PXDN: variants seen among roughly 807,000 people sequenced by gnomAD.
The protein encoded by PXDN is peroxidasin, also known as peroxidasin homolog.
Under a neutral mutation model 140.3 loss-of-function variants are expected in PXDN, and 77 were observed. That is an observed-to-expected ratio of 0.55 (90% CI 0.46 to 0.66). PXDN has a LOEUF of 0.66. PXDN is among the 30% of genes least tolerant of loss of function. The pLI, the probability that PXDN is intolerant of heterozygous loss-of-function variation, is 0.00. For missense variants in PXDN, 1,838 were observed against 2,039.5 expected (o/e 0.90, Z 1.90); for synonymous variants, 911 against 857.4 (o/e 1.06, Z -1.09).
At chr2:1,673,553 T>G (rs1418701623) in intron 9 of PXDN, 90 bp downstream of exon 9, 7 of 1,476,886 alleles carry the variant, frequency 4.7e-6, no homozygotes, top group Non-Finnish European at 6.4e-6. Flanking sequence ...CAATGTTCAT[T>G]CTTATTTTGG....
At position 1,707,702 on chromosome 2, in the gene PXDN, T is replaced by C. The variant is rs555577862; in HGVS notation, c.201-14568A>G. Among the ~76,000 whole-genome samples the C allele has an allele frequency of 9.2e-5, 14 of 152,326 alleles. No individual in the cohort carries two copies. The South Asian group carries it at 2.7e-3, about 29-fold the overall frequency. Reference sequence around the variant, plus strand: ...GACAAAAAAGGGGAAGACATTTCCCTGCACAAGGCAGGGAATGAACACACT... The same window carrying C: ...GACAAAAAAGGGGAAGACATTTCCCCGCACAAGGCAGGGAATGAACACACT... On this transcript the variant is annotated intron_variant, in intron 1 of 22. Coordinates refer to ENST00000252804, the MANE Select transcript of PXDN (RefSeq NM_012293.3).
intron 2 of PXDN, 36 bp downstream of exon 2, chr2:1,693,027 T>C: frequency 6.7e-7 from 1 of 1,483,108 alleles, no homozygotes; most frequent in Non-Finnish European, 9.2e-7. Flanking sequence ...TGATTTCTAT[T>C]TTTCTATTAG....
At chr2:1,712,936 G>T (rs915176144) in intron 1 of PXDN, among the ~76,000 whole-genome samples, 1 of 152,220 alleles carries the variant, frequency 6.6e-6, no homozygotes, top group Admixed American at 6.5e-5. Flanking sequence ...TGGTGGCCAG[G>T]CTGGTCTCGA....
chr2:1,719,397 C>A (rs1684966311), intron 1 of PXDN, among the ~76,000 whole-genome samples: 2 of 152,194 alleles, frequency 1.3e-5, no homozygotes, highest in South Asian at 4.1e-4. Context: ...AGCACGAATC[C>A]TTACATAAAC....
chr2:1,676,012 T>C (rs1420512754), intron 8 of PXDN, among the ~76,000 whole-genome samples: 2 of 152,266 alleles, frequency 1.3e-5, no homozygotes, highest in South Asian at 4.1e-4. Context: ...GATTTTCTTT[T>C]AAGGATTCCT....
rs71440684 is a variant in PXDN, at chr2:1,706,719, G to C, written c.201-13585C>G. On this transcript the variant is annotated intron_variant, in intron 1 of 22. Coordinates refer to ENST00000252804, the MANE Select transcript of PXDN (RefSeq NM_012293.3). ...TAATACAACCTGAGAGCACGCTGCA[G>C]TGTTCACCAATCAGCTCTAAGCATC... is the stretch of plus-strand genomic sequence containing the variant. 3.4e-3 allele frequency among the ~76,000 whole-genome samples: 255 copies of C among 74,786 alleles called. 70 individuals carry two copies. Among genetic ancestry groups the C allele is most frequent in the African/African-American group, 0.019 (227 of 12,068 alleles). 49.1% of individuals were successfully genotyped at this position (74,786 alleles called of 152,430 possible). A position where few individuals can be genotyped will look rare whatever the true frequency, so the allele number is the denominator to read the frequency against.
chr2:1,699,157 G>A (rs1470769637), intron 1 of PXDN, among the ~76,000 whole-genome samples: 1 of 152,194 alleles, frequency 6.6e-6, no homozygotes, highest in Non-Finnish European at 1.5e-5. Context: ...GAAGCTTGGA[G>A]ATCCAAGTTT....
intron 1 of PXDN, among the ~76,000 whole-genome samples, chr2:1,726,123 A>G (rs1487229518): frequency 5.9e-5 from 9 of 151,874 alleles, no homozygotes; most frequent in African/African-American, 1.5e-4. Flanking sequence ...AAAGACACAT[A>G]CACACGTATG....
intron 14 of PXDN, among the ~76,000 whole-genome samples, chr2:1,658,112 G>C (rs575106472): frequency 7.5e-6 from 1 of 132,754 alleles, no homozygotes; most frequent in Non-Finnish European, 1.5e-5. Context: ...GTCTGCGTGC[G>C]TCCACTCTCA....
chr2:1,737,118 A>G (rs1009948358), intron 1 of PXDN, among the ~76,000 whole-genome samples: 1 of 152,088 alleles, frequency 6.6e-6, no homozygotes, highest in Non-Finnish European at 1.5e-5. Context: ...CAGGGCATGA[A>G]CCCTGCTTTC....
At chr2:1,696,140 T>C (rs1684295948) in intron 1 of PXDN, among the ~76,000 whole-genome samples, 2 of 152,272 alleles carry the variant, frequency 1.3e-5, no homozygotes, top group South Asian at 4.1e-4. Flanking sequence ...AAATTTTATA[T>C]TGAGTGCATG....
At chr2:1,710,054 G>C (rs908820777) in intron 1 of PXDN, among the ~76,000 whole-genome samples, 6 of 152,150 alleles carry the variant, frequency 3.9e-5, no homozygotes, top group African/African-American at 9.7e-5. Context: ...AGGAGCACAC[G>C]CAGCTGCGGA....
rs375938992 is a variant in PXDN at position 1,676,999 on chromosome 2, G to A, written c.776C>T (p.Ser259Leu). The A allele has an allele frequency of 1.2e-5, 19 of 1,612,552 alleles. No individual in the cohort carries two copies. Among genetic ancestry groups the A allele is most frequent in the African/African-American group, 6.7e-5 (5 of 74,888 alleles). Residue 259 changes from serine (S) to leucine (L), a missense_variant, in exon 8 of 23, where the codon TCG (serine) becomes TTG (leucine). Transcript: ENST00000252804. ...TSEPQDADVT[S>L]GNTVYFTCRA... Reference sequence around the variant, plus strand: ...GCAGGTGAAGTACACGGTGTTCCCCGAGGTCACATCTGCGTCCTGGGGCTC... The same window carrying A: ...GCAGGTGAAGTACACGGTGTTCCCCAAGGTCACATCTGCGTCCTGGGGCTC...
intron 11 of PXDN, 31 bp downstream of exon 11, chr2:1,664,927 G>A (rs1441952295): frequency 1.3e-6 from 2 of 1,518,018 alleles, no homozygotes; most frequent in Non-Finnish European, 9.1e-7. Flanking sequence ...GGCCGCGGAG[G>A]GAGCAGGCAA....
chr2:1,643,794 C>G (rs996521859), intron 18 of PXDN, among the ~76,000 whole-genome samples: 2 of 152,070 alleles, frequency 1.3e-5, no homozygotes. Flanking sequence ...CAGTGTTGGC[C>G]AGGTGCAGTG....
intron 17 of PXDN, among the ~76,000 whole-genome samples, chr2:1,646,802 C>T (rs776776550): frequency 9.2e-5 from 14 of 152,194 alleles, no homozygotes; most frequent in Non-Finnish European, 1.8e-4. Context: ...ATGGGAATAA[C>T]ATCTCCTAAT....
Position 1,673,798 on chromosome 2 carries a change from A to T in PXDN, c.863T>A (p.Met288Lys). ...CAAGTTTAGGCGGGAATCTGTCTTC[A>T]TGCTCAGCTCATTACTACAAAGACA... Reference protein sequence around the residue: ...IWLRNNNELSMKTDSRLNLLD... With the variant: ...IWLRNNNELSKKTDSRLNLLD... The change falls in exon 9 of 23, where the codon ATG (methionine) becomes AAG (lysine). Residue 288 changes from methionine (M) to lysine (K), a missense_variant. Around this residue, in one of 5 missense-constraint regions of PXDN, gnomAD observed 208 missense variants for 325.8 expected, o/e 0.64. Transcript: ENST00000252804. The T allele has an allele frequency of 6.2e-7, 1 of 1,613,990 alleles. No homozygotes were observed. The highest frequency in any genetic ancestry group is 8.5e-7 in the Non-Finnish European group (1 of 1,179,868).
In PXDN at chr2:1,711,617, TCTCCACCAGCACCCG is replaced by T. The variant is rs1449234011; in HGVS notation, c.201-18498_201-18484del. Among the ~76,000 whole-genome samples, 23 of 59,630 alleles carry T rather than the reference TCTCCACCAGCACCCG, an allele frequency of 3.9e-4. 1 individual carries two copies. Among genetic ancestry groups the T allele is most frequent in the Admixed American group, 9.5e-4 (6 of 6,320 alleles). The allele number at this position is 59,630 out of a possible 152,430, so 39.1% of individuals were successfully genotyped here. On this transcript the variant is annotated intron_variant, in intron 1 of 22. Transcript: ENST00000252804. ...GCACCCACTCTCCACCAGCACCCAC[TCTCCACCAGCACCCG>T]CTCCACCAGCACCCACTCCACCAGC...
At chr2:1,689,385 TGAAAG>T (rs1185566111) in intron 3 of PXDN, among the ~76,000 whole-genome samples, 1 of 152,064 alleles carries the variant, frequency 6.6e-6, no homozygotes, top group Non-Finnish European at 1.5e-5. Flanking sequence ...TTTTAAAAAA[TGAAAG>T]GGAATCTTTT....
Sources: gnomAD v4.1 joint callset for allele counts (sites outside exome capture counted in the v4.1 genomes callset) on GRCh38, gnomAD v4.1.1 for gene constraint, gnomAD v4.1.1 regional missense constraint, MANE v1.5 for transcripts, NCBI Gene and HGNC (gene_info 2026-07-23, HGNC 2026-07-21) for gene names.